The following IL17RB variants were observed in gnomAD, a reference collection of about 807,000 sequenced individuals.
The protein encoded by IL17RB is interleukin 17 receptor B.
IL17RB carries 36 observed loss-of-function variants against 43.9 expected under a neutral mutation model. The ratio of observed to expected loss-of-function variants is 0.82; its 90% CI spans 0.63 to 1.08. The LOEUF is 1.08. Ranked by LOEUF, IL17RB falls within the 50% of genes least tolerant of loss-of-function variation. The pLI is 0.00. For missense variants in IL17RB, 613 were observed against 613.6 expected (o/e 1.00, Z 0.01); for synonymous variants, 225 against 225.4 (o/e 1.00, Z 0.02).
chr3:53,864,104 T>C (rs543035113), intron 10 of IL17RB, among the ~76,000 whole-genome samples: 46 of 152,164 alleles, frequency 3.0e-4, no homozygotes, highest in Non-Finnish European at 5.7e-4. Flanking sequence ...ATTCCTGGTG[T>C]AAGCCACCAC....
intron 8 of IL17RB, chr3:53,858,422 T>C (rs1699429206): frequency 1.8e-6 from 2 of 1,142,776 alleles, no homozygotes; most frequent in Non-Finnish European, 2.2e-6. Flanking sequence ...CTAGAGGAAA[T>C]GTTTGTCTAC....
At chr3:53,849,531 T>TAAAA in intron 2 of IL17RB, 124 bp from the exon 3 acceptor site, 2 of 551,864 alleles carry the variant, frequency 3.6e-6, no homozygotes, top group Non-Finnish European at 5.5e-6. Flanking sequence ...TTTTTTTAAT[T>TAAAA]AAAAAAAAAA....
intron 4 of IL17RB, among the ~76,000 whole-genome samples, chr3:53,852,373 G>A (rs751678350): frequency 8.5e-5 from 13 of 152,074 alleles, no homozygotes; most frequent in South Asian, 6.2e-4. Context: ...GTGCTCAAGC[G>A]ATCTGCCTGC....
In IL17RB at chr3:53,857,645, A is replaced by G. The variant is rs36117682; in HGVS notation, c.702A>G (p.Ser234=). 40 of 1,614,170 alleles carry G rather than the reference A, an allele frequency of 2.5e-5. No homozygotes were observed. In the African/African-American group the frequency reaches 4.8e-4, roughly 19 times the overall value. ...ACCAGAAGAAACAAACGCGAGCTTC[A>G]GTGGTGATTCCAGTGACTGGGGATA... ...EPHQKKQTRA[S]VVIPVTGDSE... is the part of the protein sequence containing the mutation. Residue 234 remains serine, a synonymous_variant, in exon 8 of 11, where the codon TCA becomes TCG. Coordinates refer to ENST00000288167, the MANE Select transcript of IL17RB (RefSeq NM_018725.4).
At chr3:53,857,797 C>A in intron 8 of IL17RB, 107 bp downstream of exon 8, 1 of 1,016,042 alleles carries the variant, frequency 9.8e-7, no homozygotes, top group Non-Finnish European at 1.5e-6. Context: ...CTTCTGCCAG[C>A]AGACACCAGT....
intron 2 of IL17RB, 88 bp from the exon 3 acceptor site, chr3:53,849,567 A>C: frequency 2.6e-6 from 3 of 1,144,544 alleles, no homozygotes; most frequent in Non-Finnish European, 3.5e-6. Context: ...GAATGGGGGA[A>C]GGTTTGGTGT....
At chr3:53,859,158 T>A in intron 9 of IL17RB, 15 of 173,736 alleles carry the variant, frequency 8.6e-5, no homozygotes, top group Middle Eastern at 2.5e-3. Flanking sequence ...TGAGAATGAA[T>A]ATTTCACTAT....
In IL17RB at chr3:53,860,210, T is replaced by C. The variant is rs776901619; in HGVS notation, c.928T>C (p.Tyr310His). Residue 310 changes from tyrosine to histidine, a missense_variant, in exon 10 of 11, where the codon TAT becomes CAT. Physicochemically the swap from Tyr to His is moderately conservative, Grantham distance 83 (BLOSUM62 2). Coordinates refer to ENST00000288167, the MANE Select transcript of IL17RB (RefSeq NM_018725.4). ...VATWVLVAGI[Y>H]LMWRHERIKK... ...CACATGGGTGCTGGTGGCAGGGATC[T>C]ATCTAATGTGGAGGCACGGTAAGGG... 6.2e-7 allele frequency: 1 copy of C among 1,613,346 alleles called. No individual in the cohort carries two copies. Among genetic ancestry groups the C allele is most frequent in the Admixed American group, 1.7e-5 (1 of 60,008 alleles).
intron 2 of IL17RB, among the ~76,000 whole-genome samples, chr3:53,849,181 A>T (rs7650883): frequency 6.6e-6 from 1 of 152,198 alleles, no homozygotes; most frequent in African/African-American, 2.4e-5. Context: ...ATCCAGGGCC[A>T]AAGCCTGAGG....
In IL17RB at chr3:53,864,873, T is replaced by C. The variant is rs774690458; in HGVS notation, c.1074T>C (p.His358=). Reference sequence around the variant, plus strand: ...ACTTCACTGAATTTCTTCAAAACCATTGCAGAAGTGAGGTCATCCTTGAAA... The same window carrying C: ...ACTTCACTGAATTTCTTCAAAACCACTGCAGAAGTGAGGTCATCCTTGAAA... ...ICYFTEFLQN[H]CRSEVILEKW... is the part of the protein sequence containing the mutation. Residue 358 remains histidine (H), a synonymous_variant, in exon 11 of 11, where the codon CAT becomes CAC. Transcript: ENST00000288167. 3.7e-6 allele frequency: 6 copies of C among 1,614,102 alleles called. No homozygotes were observed. Among genetic ancestry groups the C allele is most frequent in the Admixed American group, 1.7e-5 (1 of 60,004 alleles).
intron 6 of IL17RB, among the ~76,000 whole-genome samples, 188 bp from the exon 7 acceptor site, chr3:53,856,656 A>G (rs1233486819): frequency 6.6e-6 from 1 of 152,216 alleles, no homozygotes; most frequent in Non-Finnish European, 1.5e-5. Flanking sequence ...ACGGATCCCC[A>G]AACTGTCTTG....
intron 5 of IL17RB, among the ~76,000 whole-genome samples, chr3:53,853,936 G>A (rs1427373790): frequency 6.6e-6 from 1 of 151,570 alleles, no homozygotes; most frequent in East Asian, 1.9e-4. Context: ...TGCTCTTGTT[G>A]CCCTGGCTGG....
In IL17RB at chr3:53,864,937, C is replaced by G; in HGVS notation, c.1138C>G (p.Gln380Glu). 1 of 1,614,156 alleles carries G rather than the reference C, an allele frequency of 6.2e-7. No homozygotes were observed. The highest frequency in any genetic ancestry group is 8.5e-7 in the Non-Finnish European group (1 of 1,179,984). Residue 380 changes from glutamine to glutamate, a missense_variant, in exon 11 of 11, where the codon CAG (glutamine) becomes GAG (glutamate). Transcript: ENST00000288167. The part of the protein sequence containing the change: ...KKKIAEMGPV[Q>E]WLATQKKAAD... Reference sequence around the variant, plus strand: ...GAAAATAGCAGAGATGGGTCCAGTGCAGTGGCTTGCCACTCAAAAGAAGGC... The same window carrying G: ...GAAAATAGCAGAGATGGGTCCAGTGGAGTGGCTTGCCACTCAAAAGAAGGC...
At chr3:53,854,476 G>A (rs1189396102) in intron 5 of IL17RB, among the ~76,000 whole-genome samples, 2 of 152,100 alleles carry the variant, frequency 1.3e-5, no homozygotes, top group African/African-American at 2.4e-5. Flanking sequence ...TTTTCAGAAC[G>A]TTGACAGTCT....
intron 3 of IL17RB, among the ~76,000 whole-genome samples, chr3:53,851,393 C>G (rs943086940): frequency 6.6e-6 from 1 of 152,170 alleles, no homozygotes; most frequent in African/African-American, 2.4e-5. Context: ...GAAAGGGTCT[C>G]TGGTGAGGTT....
At chr3:53,858,225 A>G (rs555599579) in intron 8 of IL17RB, 1 of 406,562 alleles carries the variant, frequency 2.5e-6, no homozygotes, top group Non-Finnish European at 3.4e-6. Flanking sequence ...CCAAAGAGTA[A>G]GGAGCTTCCA....
At chr3:53,853,908 A>T (rs879424913) in intron 5 of IL17RB, among the ~76,000 whole-genome samples, 5 of 151,648 alleles carry the variant, frequency 3.3e-5, no homozygotes, top group Admixed American at 6.6e-5. Context: ...TTATTTATTT[A>T]TTTTTTAGAC....
chr3:53,849,877 C>A, intron 3 of IL17RB, 82 bp downstream of exon 3: 1 of 1,362,368 alleles, frequency 7.3e-7, no homozygotes, highest in South Asian at 1.5e-5. Context: ...ATTAATTCCC[C>A]TTCTACGCAT....
intron 10 of IL17RB, among the ~76,000 whole-genome samples, chr3:53,862,146 A>T (rs563357246): frequency 6.6e-6 from 1 of 152,286 alleles, no homozygotes; most frequent in South Asian, 2.1e-4. Flanking sequence ...ACTGCCTTTT[A>T]AAGTTCTTTT....
Sources: gnomAD v4.1 joint callset for allele counts (sites outside exome capture counted in the v4.1 genomes callset) on GRCh38, gnomAD v4.1.1 for gene constraint, MANE v1.5 for transcripts, NCBI Gene and HGNC (gene_info 2026-07-23, HGNC 2026-07-21) for gene names.